Variants in PCCB observed in about 807,000 individuals in gnomAD.
PCCB encodes the protein propionyl-CoA carboxylase subunit beta.
Under a neutral mutation model 60.7 loss-of-function variants are expected in PCCB, and 43 were observed. That is an observed-to-expected ratio of 0.71 (90% CI 0.55 to 0.91). The LOEUF (loss-of-function observed/expected upper bound fraction) is 0.91, where lower values mean the gene tolerates loss of function less well. Among genes scored for constraint, PCCB ranks in the 40% least tolerant of loss-of-function variants. The pLI is 0.00. For synonymous variants in PCCB, 276 were observed against 255.9 expected (o/e 1.08, Z -0.75); for missense variants, 766 against 702.8 (o/e 1.09, Z -1.02).
In PCCB at chr3:136,256,908, G is replaced by C. The variant is rs143842476; in HGVS notation, c.372+285G>C. 3.6e-3 allele frequency among the ~76,000 whole-genome samples: 545 copies of C among 152,266 alleles called. 1 individual carries two copies. The highest frequency in any genetic ancestry group is 0.012 in the African/African-American group (517 of 41,556). ...AATGAGATTCCTCTTAGCTGGGTTG[G>C]GTGTGTGCCTGTAGGGCATCTGTGT... On this transcript the variant is annotated intron_variant, in intron 3 of 14. Coordinates refer to ENST00000251654, the MANE Select transcript of PCCB (RefSeq NM_000532.5).
intron 8 of PCCB, 106 bp from the exon 9 acceptor site, chr3:136,300,924 G>A: frequency 1.3e-6 from 1 of 790,222 alleles, no homozygotes; most frequent in East Asian, 2.5e-5. Flanking sequence ...GACAGAACTG[G>A]CCCAGTCCCT....
At chr3:136,281,860 C>T (rs567665904) in intron 5 of PCCB, among the ~76,000 whole-genome samples, 3 of 152,216 alleles carry the variant, frequency 2.0e-5, no homozygotes, top group African/African-American at 7.2e-5. Context: ...TTAATATGGA[C>T]ATTGAAATTT....
chr3:136,291,057 T>A (rs1438182532), intron 6 of PCCB, among the ~76,000 whole-genome samples: 2 of 152,096 alleles, frequency 1.3e-5, no homozygotes, highest in Non-Finnish European at 2.9e-5. Context: ...ATTTTAGTTA[T>A]TTTTTTAGAA....
chr3:136,310,395 C>T (rs1343601158), intron 9 of PCCB, among the ~76,000 whole-genome samples: 8 of 150,220 alleles, frequency 5.3e-5, no homozygotes, highest in Non-Finnish European at 1.2e-4. Context: ...TGGTGGTATG[C>T]ACCTGTAGTC....
At chr3:136,301,936 A>G (rs2108209916) in intron 9 of PCCB, among the ~76,000 whole-genome samples, 1 of 152,228 alleles carries the variant, frequency 6.6e-6, no homozygotes, top group East Asian at 1.9e-4. Flanking sequence ...CTAGTTGTTA[A>G]CGTCTGGCTC....
At chr3:136,275,479 T>A (rs1942312857) in intron 5 of PCCB, among the ~76,000 whole-genome samples, 1 of 152,168 alleles carries the variant, frequency 6.6e-6, no homozygotes, top group Non-Finnish European at 1.5e-5. Context: ...GCTAGTGTGA[T>A]CTTTCGGGGG....
chr3:136,299,051 CCTTT>C (rs1170448013), intron 8 of PCCB, among the ~76,000 whole-genome samples: 2 of 152,050 alleles, frequency 1.3e-5, no homozygotes, highest in Non-Finnish European at 2.9e-5. Context: ...GTGGGTATAG[CCTTT>C]CTGAGTATAC....
intron 5 of PCCB, among the ~76,000 whole-genome samples, chr3:136,269,613 C>T (rs1269980696): frequency 6.6e-6 from 1 of 151,970 alleles, no homozygotes; most frequent in African/African-American, 2.4e-5. Context: ...TGGCCGGGTG[C>T]GGTGGCTCAC....
intron 3 of PCCB, among the ~76,000 whole-genome samples, chr3:136,257,948 A>G (rs969262602): frequency 6.6e-6 from 1 of 152,184 alleles, no homozygotes; most frequent in African/African-American, 2.4e-5. Flanking sequence ...AAAAAATAAT[A>G]AAATAGTTAT....
intron 1 of PCCB, among the ~76,000 whole-genome samples, chr3:136,254,411 A>G (rs560822666): frequency 1.4e-5 from 2 of 141,456 alleles, no homozygotes; most frequent in Non-Finnish European, 1.5e-5. Context: ...TAGTAGAGAT[A>G]GGGTTTCGCC....
chr3:136,307,415 G>GA (rs1311068635), intron 9 of PCCB, among the ~76,000 whole-genome samples: 4 of 151,320 alleles, frequency 2.6e-5, no homozygotes, highest in Non-Finnish European at 4.4e-5. Flanking sequence ...GGGAGGAGAA[G>GA]AGAGGGGAAG....
Position 136,312,118 on chromosome 3 carries a change from T to C in PCCB, c.967-4823T>C, listed in dbSNP as rs376408602. Among the ~76,000 whole-genome samples, 8 of 152,304 alleles carry C rather than the reference T, an allele frequency of 5.3e-5. No individual in the cohort carries two copies. The East Asian group carries it at 1.5e-3, about 29-fold the overall frequency. ...TGGAATAGAATAAAAGAGCCAGAAATAGACTCAAGTACATACAGAATTTTA... is the reference window on the plus strand; with the variant it reads ...TGGAATAGAATAAAAGAGCCAGAAACAGACTCAAGTACATACAGAATTTTA... On this transcript the variant is annotated intron_variant, in intron 9 of 14. Coordinates refer to ENST00000251654, the MANE Select transcript of PCCB (RefSeq NM_000532.5).
At chr3:136,327,835 A>G (rs1935384549) in intron 13 of PCCB, 103 bp downstream of exon 13, 1 of 898,472 alleles carries the variant, frequency 1.1e-6, no homozygotes, top group Admixed American at 1.9e-5. Flanking sequence ...CAGGGCCCCT[A>G]GGTTGAGCCA....
intron 2 of PCCB, 21 bp from the exon 3 acceptor site, chr3:136,256,534 A>T: frequency 1.3e-6 from 2 of 1,591,254 alleles, no homozygotes; most frequent in East Asian, 2.2e-5. Flanking sequence ...TTTAACCTTT[A>T]TTTTTGCATT....
intron 10 of PCCB, among the ~76,000 whole-genome samples, chr3:136,318,328 T>C (rs533236952): frequency 7.2e-5 from 11 of 151,998 alleles, no homozygotes; most frequent in Non-Finnish European, 1.2e-4. Context: ...AGGCAGAAGT[T>C]ACAGTGAGCC....
chr3:136,260,339 A>G lies in PCCB; in HGVS notation c.373-140A>G. On this transcript the variant is annotated intron_variant, in intron 3 of 14. Coordinates refer to ENST00000251654, the MANE Select transcript of PCCB (RefSeq NM_000532.5). Reference sequence around the variant, plus strand: ...GCCATCCACCTGCCTTGGCCTCCCAAAGTGTTGGGATTACAGGCATGAGCC... The same window carrying G: ...GCCATCCACCTGCCTTGGCCTCCCAGAGTGTTGGGATTACAGGCATGAGCC... 1 of 738,032 alleles carries G rather than the reference A, an allele frequency of 1.4e-6. No homozygotes were observed. The highest frequency in any genetic ancestry group is 2.4e-6 in the Non-Finnish European group (1 of 417,142). The allele number at this position is 738,032 out of a possible 1,614,324, so 45.7% of individuals were successfully genotyped here.
chr3:136,324,075 GT>G (rs1935209778), intron 10 of PCCB, among the ~76,000 whole-genome samples: 1 of 142,406 alleles, frequency 7.0e-6, no homozygotes, highest in Non-Finnish European at 1.5e-5. Flanking sequence ...TATATTTTTT[GT>G]CATTTGTGGT....
At chr3:136,292,674 CTA>C (rs527653183) in intron 6 of PCCB, among the ~76,000 whole-genome samples, 193 of 152,242 alleles carry the variant, frequency 1.3e-3, no homozygotes, top group African/African-American at 3.8e-3. Flanking sequence ...GTATTGAACA[CTA>C]TGTGTATTGA....
At chr3:136,259,741 C>T (rs1941769952) in intron 3 of PCCB, among the ~76,000 whole-genome samples, 1 of 152,110 alleles carries the variant, frequency 6.6e-6, no homozygotes, top group Admixed American at 6.6e-5. Context: ...TCTGAAAATG[C>T]TTTAAAAACT....
Sources: gnomAD v4.1 joint callset for allele counts (sites outside exome capture counted in the v4.1 genomes callset) on GRCh38, gnomAD v4.1.1 for gene constraint, MANE v1.5 for transcripts, NCBI Gene and HGNC (gene_info 2026-07-23, HGNC 2026-07-21) for gene names.